The following KDM3A variants were observed in gnomAD, a reference collection of about 807,000 sequenced individuals.
KDM3A encodes lysine demethylase 3A, also known as lysine-specific demethylase 3A.
A neutral mutation model predicts 158.0 loss-of-function variants in KDM3A; 60 were observed. The observed-to-expected ratio is 0.38, with a 90% CI of 0.31 to 0.47. KDM3A has a LOEUF of 0.47. Ranked by LOEUF, KDM3A falls within the 20% of genes least tolerant of loss-of-function variation. KDM3A has a pLI of 0.99. For synonymous variants in KDM3A, 608 were observed against 549.3 expected (o/e 1.11, Z -1.49); for missense variants, 1,319 against 1,574.3 (o/e 0.84, Z 2.74).
Position 86,470,077 on chromosome 2 carries a change from T to A in KDM3A, c.1520-127T>A, listed in dbSNP as rs1400397288. On this transcript the variant is annotated intron_variant, in intron 10 of 25. Transcript: ENST00000312912. The stretch of plus-strand genomic sequence containing the variant: ...GTTGAGCCATTTTTAGAAATTACAA[T>A]TGAACCAGGAATTGAGAAGGGAGTT... 14 of 712,722 alleles carry A rather than the reference T, an allele frequency of 2.0e-5. No individual in the cohort carries two copies. The East Asian group carries it at 3.5e-4, about 18-fold the overall frequency. The allele number at this position is 712,722 out of a possible 1,614,324, so 44.1% of individuals were successfully genotyped here.
intron 15 of KDM3A, 119 bp from the exon 16 acceptor site, chr2:86,480,043 ACTATT>A: frequency 1.4e-6 from 1 of 715,900 alleles, no homozygotes. Context: ...CCCAGGGCTA[ACTATT>A]AGGTGGTTTT....
chr2:86,478,762 C>T (rs1405398679), intron 15 of KDM3A, 27 bp downstream of exon 15: 1 of 1,605,372 alleles, frequency 6.2e-7, no homozygotes, highest in Admixed American at 1.7e-5. Flanking sequence ...TTAAATTCAA[C>T]ATCTCTTGTA....
chr2:86,477,097 C>T (rs1673691127), intron 12 of KDM3A, among the ~76,000 whole-genome samples: 1 of 152,182 alleles, frequency 6.6e-6, no homozygotes, highest in Non-Finnish European at 1.5e-5. Flanking sequence ...GGGAAGGGTT[C>T]AATGGCCCAT....
At chr2:86,449,601 C>T (rs1398407697) in intron 2 of KDM3A, among the ~76,000 whole-genome samples, 1 of 152,062 alleles carries the variant, frequency 6.6e-6, no homozygotes, top group Non-Finnish European at 1.5e-5. Context: ...TTCTGCATCC[C>T]GAAGTGAGTT....
chr2:86,450,396 G>T (rs890539588), intron 3 of KDM3A, among the ~76,000 whole-genome samples: 1 of 152,230 alleles, frequency 6.6e-6, no homozygotes, highest in African/African-American at 2.4e-5. Flanking sequence ...CCAAATAGTA[G>T]CTGTTGCCTT....
intron 8 of KDM3A, 30 bp from the exon 9 acceptor site, chr2:86,464,023 T>C (rs771012991): frequency 1.0e-5 from 15 of 1,469,970 alleles, no homozygotes; most frequent in Non-Finnish European, 1.3e-5. Flanking sequence ...GGGACTTCCT[T>C]TTAATATCTG....
In KDM3A at chr2:86,492,327, T is replaced by G. The variant is rs1444808352; in HGVS notation, c.*208T>G. 4.0e-6 allele frequency: 2 copies of G among 493,838 alleles called. No homozygotes were observed. Among genetic ancestry groups the G allele is most frequent in the Non-Finnish European group, 7.2e-6 (2 of 275,886 alleles). 30.6% of individuals were successfully genotyped at this position (493,838 alleles called of 1,614,324 possible). A position where few individuals can be genotyped will look rare whatever the true frequency, so the allele number is the denominator to read the frequency against. ...ATTTACAGAACATGCATCCTTAAAC[T>G]GTGACTTCTCACCTAGTGCAGAACT... On this transcript the variant is annotated 3_prime_UTR_variant, in exon 26 of 26. Transcript: ENST00000312912.
upstream of KDM3A, chr2:86,440,710 A>C (rs925454944): frequency 3.3e-5 from 5 of 152,134 alleles, no homozygotes; most frequent in African/African-American, 1.2e-4. Context: ...TAGACGTTCC[A>C]CGATCAGTAC....
Position 86,442,031 on chromosome 2 carries a change from C to T in KDM3A, c.-17C>T, listed in dbSNP as rs367622060. Reference sequence around the variant, plus strand: ...GTGTTTTTGCAGGGAGGAGCTCTTCCTGCAGGCGTGGAAACCATGGTGCTC... The same window carrying T: ...GTGTTTTTGCAGGGAGGAGCTCTTCTTGCAGGCGTGGAAACCATGGTGCTC... On this transcript the variant is annotated 5_prime_UTR_variant, in exon 2 of 26. Transcript: ENST00000312912. 3.3e-5 allele frequency: 54 copies of T among 1,613,638 alleles called. No homozygotes were observed. In the African/African-American group the frequency reaches 5.9e-4, roughly 18 times the overall value.
At chr2:86,465,132 GA>G (rs1336831055) in intron 9 of KDM3A, among the ~76,000 whole-genome samples, 1 of 152,088 alleles carries the variant, frequency 6.6e-6, no homozygotes. Context: ...AGGTATAATA[GA>G]AAAAAAGGAC....
chr2:86,450,068 C>T, intron 3 of KDM3A, 106 bp downstream of exon 3: 1 of 1,212,886 alleles, frequency 8.2e-7, no homozygotes, highest in Non-Finnish European at 1.1e-6. Flanking sequence ...GAAAAGCTCC[C>T]AGGATCTCCT....
chr2:86,439,398 G>A (rs1040500150), upstream of KDM3A, among the ~76,000 whole-genome samples: 1 of 151,992 alleles, frequency 6.6e-6, no homozygotes, highest in Non-Finnish European at 1.5e-5. Flanking sequence ...ATGTTCCTAA[G>A]TATAATTGAA....
Position 86,449,809 on chromosome 2 carries a change from G to T in KDM3A, c.189G>T (p.Val63=), listed in dbSNP as rs61750270. ...ACCCCCCAATTTTGTCTGTCTAGGT[G>T]TGTGTGGAATTTGATGGGGAATCTT... ...HTDVTKKDLK[V]CVEFDGESWR... is the part of the protein sequence containing the mutation. Residue 63 remains valine, a splice_region_variant and synonymous_variant, in exon 3 of 26, where the codon GTG becomes GTT. Coordinates refer to ENST00000312912, the MANE Select transcript of KDM3A (RefSeq NM_018433.6). 3,192 of 1,610,992 alleles carry T rather than the reference G, an allele frequency of 2.0e-3. 8 individuals are homozygous for T. Among genetic ancestry groups the T allele is most frequent in the Non-Finnish European group, 2.6e-3 (3,020 of 1,178,778 alleles).
chr2:86,471,819 C>T (rs545843625), intron 11 of KDM3A, among the ~76,000 whole-genome samples: 31 of 152,140 alleles, frequency 2.0e-4, no homozygotes, highest in Non-Finnish European at 3.5e-4. Context: ...ATACTGTTAA[C>T]GTATGTTAAC....
intron 2 of KDM3A, 50 bp downstream of exon 2, chr2:86,442,283 G>A (rs772626199): frequency 1.3e-6 from 2 of 1,530,172 alleles, no homozygotes; most frequent in South Asian, 2.3e-5. Flanking sequence ...AGTTACCGTG[G>A]TAACGCGACC....
intron 11 of KDM3A, among the ~76,000 whole-genome samples, chr2:86,474,080 C>T (rs757671460): frequency 1.3e-5 from 2 of 152,146 alleles, no homozygotes; most frequent in African/African-American, 4.8e-5. Context: ...TATTTATCAC[C>T]TTCTGTTTGT....
Position 86,455,126 on chromosome 2 carries a change from T to G in KDM3A, c.495T>G (p.Ile165Met), listed in dbSNP as rs1048010526. 6.9e-6 allele frequency: 11 copies of G among 1,604,884 alleles called. No individual in the cohort carries two copies. Among genetic ancestry groups the G allele is most frequent in the African/African-American group, 2.7e-5 (2 of 74,220 alleles). The change falls in exon 5 of 26, where the codon ATT becomes ATG. Residue 165 changes from isoleucine to methionine, a missense_variant. This residue lies in a region of KDM3A where 652 missense variants were observed against 627.2 expected (regional missense o/e 1.04). Transcript: ENST00000312912. ...GACTTTCTCTTACGGATAATCAGAT[T>G]GTCAGTAAAGAATTTCAAGCTTTGA... Reference protein sequence around the residue: ...SLRLSLTDNQIVSKEFQALIV... With the variant: ...SLRLSLTDNQMVSKEFQALIV...
chr2:86,437,301 C>T (rs1329686018), upstream of KDM3A, among the ~76,000 whole-genome samples: 1 of 152,016 alleles, frequency 6.6e-6, no homozygotes, highest in Non-Finnish European at 1.5e-5. Flanking sequence ...ATGTGCACCA[C>T]AACAGCCAGC....
intron 11 of KDM3A, among the ~76,000 whole-genome samples, chr2:86,472,042 T>G (rs1400020491): frequency 6.6e-6 from 1 of 152,208 alleles, no homozygotes; most frequent in Non-Finnish European, 1.5e-5. Flanking sequence ...CATGTTGTTA[T>G]GGCTCCTCTG....
Sources: allele counts gnomAD v4.1 joint callset (sites outside exome capture counted in the v4.1 genomes callset), GRCh38; gene constraint gnomAD v4.1.1; regional missense constraint gnomAD v4.1.1; transcripts MANE v1.5; gene names NCBI Gene and HGNC (gene_info 2026-07-23, HGNC 2026-07-21).